The following EYS variants were observed in gnomAD, a reference collection of about 807,000 sequenced individuals.
EYS encodes the protein protein eyes shut homolog.
In EYS, 250 loss-of-function variants were observed where a neutral mutation model predicts 282.1. The ratio of observed to expected loss-of-function variants is 0.89; its 90% CI spans 0.80 to 0.98. The LOEUF is 0.98. EYS is among the 50% of genes least tolerant of loss of function. The pLI is 0.00. For synonymous variants in EYS, 1,355 were observed against 1,282.9 expected (o/e 1.06, Z -1.20); for missense variants, 4,016 against 3,709.0 (o/e 1.08, Z -2.15).
At chr6:64,091,329 T>C (rs186582633) in intron 31 of EYS, among the ~76,000 whole-genome samples, 18 of 152,192 alleles carry the variant, frequency 1.2e-4, no homozygotes, top group Non-Finnish European at 2.6e-4. Flanking sequence ...TCAATGGTTA[T>C]GTCCTTATTT....
At chr6:63,791,916 G>A (rs1770525602) in intron 37 of EYS, among the ~76,000 whole-genome samples, 1 of 152,090 alleles carries the variant, frequency 6.6e-6, no homozygotes, top group South Asian at 2.1e-4. Context: ...ATAAATTAAG[G>A]TAGTGACAGA....
At chr6:65,232,633 A>T (rs1221141766) in intron 12 of EYS, among the ~76,000 whole-genome samples, 1 of 152,102 alleles carries the variant, frequency 6.6e-6, no homozygotes, top group Non-Finnish European at 1.5e-5. Context: ...ATTTGTCACA[A>T]TTAATGAAAA....
chr6:64,822,831 G>C lies in EYS; in HGVS notation c.2993-9C>G, dbSNP rs1457172803. The C allele has an allele frequency of 6.5e-7, 1 of 1,543,170 alleles. No homozygotes were observed. Among genetic ancestry groups the C allele is most frequent in the Admixed American group, 2.0e-5 (1 of 50,052 alleles). On this transcript the variant is annotated splice_polypyrimidine_tract_variant and intron_variant, in intron 19 of 42. Coordinates refer to ENST00000503581, the MANE Select transcript of EYS (RefSeq NM_001142800.2). ...TATTTCACAGTTGATGCCTGTGTTG[G>C]AACAGACAAGGCAAAACATGAAACC...
At chr6:64,870,684 T>C (rs1374739184) in intron 19 of EYS, among the ~76,000 whole-genome samples, 1 of 151,572 alleles carries the variant, frequency 6.6e-6, no homozygotes, top group South Asian at 2.1e-4. Flanking sequence ...ATAGAGGATG[T>C]GGAGAATGTA....
chr6:65,301,073 G>A (rs1029070753), intron 11 of EYS: 3 of 152,324 alleles, frequency 2.0e-5, no homozygotes, highest in East Asian at 1.9e-4. Flanking sequence ...CCTGTCTTTC[G>A]AGTATTCGGC....
At chr6:64,686,415 T>A (rs1770100963) in intron 22 of EYS, among the ~76,000 whole-genome samples, 1 of 151,754 alleles carries the variant, frequency 6.6e-6, no homozygotes, top group African/African-American at 2.4e-5. Flanking sequence ...ATTACCAATA[T>A]GATAAATGAA....
At chr6:63,844,897 C>T (rs1772058561) in intron 36 of EYS, among the ~76,000 whole-genome samples, 2 of 152,032 alleles carry the variant, frequency 1.3e-5, no homozygotes, top group African/African-American at 2.4e-5. Flanking sequence ...GCTTTTGTTG[C>T]AATTGCTTTT....
intron 12 of EYS, among the ~76,000 whole-genome samples, chr6:65,273,621 T>C (rs1393036250): frequency 6.6e-6 from 1 of 152,202 alleles, no homozygotes; most frequent in Non-Finnish European, 1.5e-5. Flanking sequence ...TTCTTAAGCA[T>C]GATTATGTTT....
chr6:65,507,736 A>G (rs971082483), intron 2 of EYS, among the ~76,000 whole-genome samples: 1 of 151,936 alleles, frequency 6.6e-6, no homozygotes, highest in Non-Finnish European at 1.5e-5. Context: ...TGAACCTATC[A>G]ATGGTCTTTA....
rs114550401 is a variant in EYS, at chr6:65,214,449, C to T, written c.2023+81414G>A. Among the ~76,000 whole-genome samples the T allele has an allele frequency of 2.7e-3, 418 of 152,130 alleles. 1 individual carries two copies. The highest frequency in any genetic ancestry group is 9.5e-3 in the African/African-American group (395 of 41,502). The stretch of plus-strand genomic sequence containing the variant: ...CTAAGTGTCTTCAATTCAGGGAAGG[C>T]GGGAGAGAGGTGAGGAAGCTACAGA... On this transcript the variant is annotated intron_variant, in intron 12 of 42. Coordinates refer to ENST00000503581, the MANE Select transcript of EYS (RefSeq NM_001142800.2).
At chr6:65,238,257 A>AAT (rs943449979) in intron 12 of EYS, among the ~76,000 whole-genome samples, 3 of 149,734 alleles carry the variant, frequency 2.0e-5, no homozygotes, top group Admixed American at 6.7e-5. Context: ...TTAAAAATAT[A>AAT]ATATATATAT....
At chr6:63,961,785 C>T (rs1158885728) in intron 35 of EYS, among the ~76,000 whole-genome samples, 4 of 152,258 alleles carry the variant, frequency 2.6e-5, no homozygotes, top group African/African-American at 9.6e-5. Flanking sequence ...AGTATTATCA[C>T]ATTGGGTATA....
intron 30 of EYS, among the ~76,000 whole-genome samples, chr6:64,235,540 CA>C (rs1766572572): frequency 6.6e-6 from 1 of 152,002 alleles, no homozygotes; most frequent in African/African-American, 2.4e-5. Flanking sequence ...AATAGTGCTG[CA>C]AAAAATATAT....
At chr6:64,649,330 A>G (rs999203358) in intron 22 of EYS, among the ~76,000 whole-genome samples, 8 of 132,616 alleles carry the variant, frequency 6.0e-5, no homozygotes, top group Non-Finnish European at 1.3e-4. Flanking sequence ...GACTCCATAT[A>G]TTTCTATAAC....
chr6:64,243,012 ATATT>A (rs200997105), intron 30 of EYS, among the ~76,000 whole-genome samples: 2,211 of 147,218 alleles, frequency 0.015, 16 homozygotes, highest in East Asian at 0.033. Context: ...TAATTTATAT[ATATT>A]TATTAAGTAT....
chr6:65,706,209 C>T (rs1252961715), intron 1 of EYS, among the ~76,000 whole-genome samples: 1 of 141,494 alleles, frequency 7.1e-6, no homozygotes, highest in African/African-American at 2.8e-5. Flanking sequence ...AGCATATATA[C>T]ACATGAGTAT....
intron 31 of EYS, among the ~76,000 whole-genome samples, chr6:64,215,670 T>A (rs1159565911): frequency 6.6e-6 from 1 of 152,070 alleles, no homozygotes; most frequent in Non-Finnish European, 1.5e-5. Flanking sequence ...TATTTTAAAA[T>A]GTAATAAAAA....
intron 2 of EYS, among the ~76,000 whole-genome samples, chr6:65,576,382 T>A (rs1764668281): frequency 6.6e-6 from 1 of 151,904 alleles, no homozygotes; most frequent in Non-Finnish European, 1.5e-5. Flanking sequence ...TCAACACTCT[T>A]CTATTATAAA....
chr6:64,918,927 C>A (rs1252760371), intron 15 of EYS, among the ~76,000 whole-genome samples: 1 of 152,136 alleles, frequency 6.6e-6, no homozygotes, highest in Non-Finnish European at 1.5e-5. Flanking sequence ...AAGTACCATT[C>A]TAACAAATAA....
Sources: gnomAD v4.1 joint callset for allele counts (sites outside exome capture counted in the v4.1 genomes callset) on GRCh38, gnomAD v4.1.1 for gene constraint, MANE v1.5 for transcripts, NCBI Gene and HGNC (gene_info 2026-07-23, HGNC 2026-07-21) for gene names.